NCAM1: variants seen among roughly 807,000 people sequenced by gnomAD.
NCAM1 encodes antigen recognized by monoclonal antibody 5.1H11.
A neutral mutation model predicts 109.8 loss-of-function variants in NCAM1; 14 were observed. The observed-to-expected ratio is 0.13, with a 90% CI of 0.08 to 0.20. The LOEUF is 0.20. Among genes scored for constraint, NCAM1 ranks in the 10% least tolerant of loss-of-function variants. The pLI, the probability that NCAM1 is intolerant of heterozygous loss-of-function variation, is 1.00. For missense variants in NCAM1, 774 were observed against 1,109.9 expected (o/e 0.70, Z 4.30); for synonymous variants, 418 against 442.9 (o/e 0.94, Z 0.70).
At position 113,233,518 on chromosome 11, in the gene NCAM1, AC is replaced by A. The variant is rs1555117727; in HGVS notation, c.1693+204del. On this transcript the variant is annotated intron_variant, in intron 13 of 19. Coordinates refer to ENST00000316851, the MANE Select transcript of NCAM1 (RefSeq NM_181351.5). The surrounding 1 kb of genome is among the most constrained non-coding windows in gnomAD (Gnocchi z 4.5). ...TGTGCTTCAGAGCCTGGTTCTCATG[AC>A]CCTTCCAGTATGGATGAAGGCATCT... Among the ~76,000 whole-genome samples the A allele has an allele frequency of 6.6e-6, 1 of 152,006 alleles. No individual in the cohort carries two copies. The highest frequency in any genetic ancestry group is 2.4e-5 in the African/African-American group (1 of 41,360).
chr11:113,026,487 CCTT>C (rs1952550439), intron 1 of NCAM1, among the ~76,000 whole-genome samples: 1 of 152,118 alleles, frequency 6.6e-6, no homozygotes, highest in South Asian at 2.1e-4. Context: ...GTGCCATCAG[CCTT>C]CTTCTTGAGC....
chr11:113,103,673 G>A (rs1189051280), intron 1 of NCAM1, among the ~76,000 whole-genome samples: 1 of 152,090 alleles, frequency 6.6e-6, no homozygotes, highest in Non-Finnish European at 1.5e-5. Flanking sequence ...GTCCACTTAG[G>A]ATAGGCTAGA....
At chr11:113,247,143 CTG>C (rs564658512) in intron 15 of NCAM1, among the ~76,000 whole-genome samples, 237 of 152,316 alleles carry the variant, frequency 1.6e-3, no homozygotes, top group Non-Finnish European at 2.4e-3. Context: ...AATATTGTGA[CTG>C]TCACAACCTT....
chr11:113,122,915 G>C (rs1941027427), intron 1 of NCAM1, among the ~76,000 whole-genome samples: 1 of 152,204 alleles, frequency 6.6e-6, no homozygotes, highest in Admixed American at 6.5e-5. Flanking sequence ...GGACTTGGAT[G>C]GACCTGGAGG....
chr11:113,023,261 A>G (rs1952444895), intron 1 of NCAM1, among the ~76,000 whole-genome samples: 1 of 152,236 alleles, frequency 6.6e-6, no homozygotes, highest in Non-Finnish European at 1.5e-5. Context: ...AATATTGGGT[A>G]GTTGATTGAA....
intron 14 of NCAM1, 36 bp downstream of exon 14, chr11:113,235,200 A>G (rs782768714): frequency 2.5e-6 from 4 of 1,613,568 alleles, no homozygotes; most frequent in Middle Eastern, 1.6e-4. Context: ...TTCCCAGCCC[A>G]CCTTCTTCTC....
At chr11:113,119,019 C>A (rs1940832791) in intron 1 of NCAM1, among the ~76,000 whole-genome samples, 1 of 151,754 alleles carries the variant, frequency 6.6e-6, no homozygotes, top group Admixed American at 6.6e-5. Flanking sequence ...TAAAAGATTT[C>A]TCTTTATGGC....
rs775876689 is a variant in NCAM1, at chr11:113,135,668, G to A, written c.53-66711G>A. ...TTGTGTACATTCCTCTGTGTTCTGCGTGGGAAATCAAGGACGTGCTGGACT... is the reference window on the plus strand; with the variant it reads ...TTGTGTACATTCCTCTGTGTTCTGCATGGGAAATCAAGGACGTGCTGGACT... On this transcript the variant is annotated intron_variant, in intron 1 of 19. Transcript: ENST00000316851. Among the ~76,000 whole-genome samples, 142 of 152,260 alleles carry A rather than the reference G, an allele frequency of 9.3e-4. 2 individuals carry two copies. Among genetic ancestry groups the A allele is most frequent in the Non-Finnish European group, 7.9e-4 (54 of 68,022 alleles).
At chr11:112,982,299 A>C (rs549836028) in intron 1 of NCAM1, among the ~76,000 whole-genome samples, 1 of 151,928 alleles carries the variant, frequency 6.6e-6, no homozygotes, top group African/African-American at 2.4e-5. Flanking sequence ...AAAGGAATAG[A>C]TATATCTGAA....
At chr11:112,993,778 A>G (rs1423129215) in intron 1 of NCAM1, among the ~76,000 whole-genome samples, 1 of 152,230 alleles carries the variant, frequency 6.6e-6, no homozygotes, top group Non-Finnish European at 1.5e-5. Flanking sequence ...CAAGTGGTAT[A>G]CGATTATTGT....
At chr11:113,098,878 G>A (rs1939732955) in intron 1 of NCAM1, among the ~76,000 whole-genome samples, 1 of 152,120 alleles carries the variant, frequency 6.6e-6, no homozygotes, top group Non-Finnish European at 1.5e-5. Context: ...GAGAATGATG[G>A]CATAGGAGTT....
At chr11:112,985,939 A>C (rs1418112558) in intron 1 of NCAM1, among the ~76,000 whole-genome samples, 2 of 151,870 alleles carry the variant, frequency 1.3e-5, no homozygotes, top group African/African-American at 4.8e-5. Flanking sequence ...TAGGACTTTC[A>C]GTACTATTTT....
intron 15 of NCAM1, among the ~76,000 whole-genome samples, chr11:113,254,897 C>G (rs899981172): frequency 6.6e-6 from 1 of 152,282 alleles, no homozygotes; most frequent in South Asian, 2.1e-4. Context: ...GAGACGTCCT[C>G]TCACCTTATT....
intron 1 of NCAM1, among the ~76,000 whole-genome samples, chr11:113,037,874 C>T (rs575005244): frequency 1.3e-5 from 2 of 152,316 alleles, no homozygotes; most frequent in East Asian, 3.9e-4. Flanking sequence ...GATACATCTC[C>T]TGAAAATACA....
At position 113,034,757 on chromosome 11, in the gene NCAM1, T is replaced by C. The variant is rs930700300; in HGVS notation, c.52+73093T>C. ...ACAAATAGCTTGTGGTTTATAAATA[T>C]TAAATCAAGGATTCATTATGGGGAG... is the stretch of plus-strand genomic sequence containing the variant. On this transcript the variant is annotated intron_variant, in intron 1 of 19. Transcript: ENST00000316851. Among the ~76,000 whole-genome samples the C allele has an allele frequency of 2.0e-5, 3 of 152,198 alleles. No homozygotes were observed. The East Asian group carries it at 5.8e-4, about 29-fold the overall frequency.
chr11:113,165,365 T>C (rs2136395242), intron 1 of NCAM1, among the ~76,000 whole-genome samples: 1 of 152,272 alleles, frequency 6.6e-6, no homozygotes, highest in South Asian at 2.1e-4. Context: ...AGATCCAGAA[T>C]CTCCACTGTG....
intron 8 of NCAM1, among the ~76,000 whole-genome samples, chr11:113,218,668 A>T (rs1261250329): frequency 6.6e-6 from 1 of 152,208 alleles, no homozygotes; most frequent in Non-Finnish European, 1.5e-5. Flanking sequence ...TTTGAGAATG[A>T]CCATTACCAA....
intron 1 of NCAM1, among the ~76,000 whole-genome samples, chr11:113,191,940 G>A (rs369008713): frequency 9.8e-5 from 15 of 152,290 alleles, no homozygotes; most frequent in African/African-American, 2.2e-4. Flanking sequence ...TGAAAGGCAC[G>A]GGCAGGATCT....
intron 1 of NCAM1, among the ~76,000 whole-genome samples, chr11:113,059,855 T>G (rs7947794): frequency 0.014 from 2,146 of 152,224 alleles, 47 homozygotes; most frequent in African/African-American, 0.048. Context: ...ATTTTAGGGG[T>G]CATGTATGTA....
Sources: gnomAD v4.1 joint callset for allele counts (sites outside exome capture counted in the v4.1 genomes callset) on GRCh38, gnomAD v4.1.1 for gene constraint, Gnocchi (gnomAD v3.1) non-coding constraint, MANE v1.5 for transcripts, NCBI Gene and HGNC (gene_info 2026-07-23, HGNC 2026-07-21) for gene names.